Variants in N4BP2 observed in about 807,000 individuals in gnomAD.
N4BP2 encodes the protein NEDD4-binding protein 2.
A neutral mutation model predicts 152.8 loss-of-function variants in N4BP2; 91 were observed. The ratio of observed to expected loss-of-function variants is 0.60; its 90% CI spans 0.50 to 0.71. The LOEUF is 0.71. Among genes scored for constraint, N4BP2 ranks in the 30% least tolerant of loss-of-function variants. N4BP2 has a pLI of 0.00. For missense variants in N4BP2, 1,923 were observed against 2,059.1 expected, an observed-to-expected ratio of 0.93 and a Z score of 1.28; for synonymous variants, 646 against 705.3, an observed-to-expected ratio of 0.92 and a Z score of 1.33.
intron 4 of N4BP2, among the ~76,000 whole-genome samples, chr4:40,106,613 A>G (rs936581692): frequency 5.3e-5 from 8 of 152,044 alleles, no homozygotes; most frequent in African/African-American, 1.7e-4. Context: ...CGGTGGCGCA[A>G]TCTCAGCTCA....
chr4:40,088,651 C>A (rs1287149441), intron 2 of N4BP2, among the ~76,000 whole-genome samples: 1 of 152,116 alleles, frequency 6.6e-6, no homozygotes, highest in Non-Finnish European at 1.5e-5. Context: ...CAGGCATGCA[C>A]CACTACGCCT....
At chr4:40,075,424 A>G (rs1404984109) in intron 2 of N4BP2, among the ~76,000 whole-genome samples, 1 of 152,066 alleles carries the variant, frequency 6.6e-6, no homozygotes, top group Non-Finnish European at 1.5e-5. Context: ...TTTGAGATGG[A>G]GTCTCACTCT....
At chr4:40,163,564 A>G in the N4BP2 span, among the ~76,000 whole-genome samples, 2 of 152,252 alleles carry the variant, frequency 1.3e-5, no homozygotes, top group Admixed American at 6.5e-5. Context: ...ACACATAGGA[A>G]GAAATGCATT....
At chr4:40,074,691 G>A (rs937361122) in intron 2 of N4BP2, among the ~76,000 whole-genome samples, 6 of 152,114 alleles carry the variant, frequency 3.9e-5, no homozygotes, top group African/African-American at 1.4e-4. Context: ...TTTAATGAGT[G>A]TTTTCGTTTC....
the N4BP2 span, among the ~76,000 whole-genome samples, chr4:40,190,251 T>A: frequency 2.6e-5 from 4 of 152,220 alleles, no homozygotes; most frequent in South Asian, 6.2e-4. Flanking sequence ...GCTCAATAAG[T>A]ATTATAGCAA....
intron 2 of N4BP2, among the ~76,000 whole-genome samples, chr4:40,082,403 A>G (rs900406884): frequency 6.6e-6 from 1 of 152,180 alleles, no homozygotes; most frequent in Non-Finnish European, 1.5e-5. Context: ...GCTTAATAAT[A>G]GAAACAACCC....
intron 11 of N4BP2, among the ~76,000 whole-genome samples, chr4:40,125,078 C>T (rs201788833): frequency 1.3e-5 from 2 of 152,186 alleles, no homozygotes; most frequent in Admixed American, 6.5e-5. Context: ...CCTCTGTTGT[C>T]CAGTCCACAC....
intron 2 of N4BP2, among the ~76,000 whole-genome samples, chr4:40,084,571 G>A (rs1338832030): frequency 6.6e-6 from 1 of 150,852 alleles, no homozygotes; most frequent in Non-Finnish European, 1.5e-5. Flanking sequence ...AAGTAGCTGG[G>A]ATTACAGGCA....
intron 16 of N4BP2, among the ~76,000 whole-genome samples, chr4:40,152,404 G>A (rs1415380527): frequency 6.6e-6 from 1 of 152,132 alleles, no homozygotes; most frequent in African/African-American, 2.4e-5. Flanking sequence ...ATAAATATAA[G>A]CCACTTAAAG....
intron 3 of N4BP2, 118 bp from the exon 4 acceptor site, chr4:40,101,957 A>G (rs924001321): frequency 5.3e-6 from 3 of 567,626 alleles, no homozygotes; most frequent in African/African-American, 1.9e-5. Context: ...AATATTGTAC[A>G]TTTATATTCT....
intron 12 of N4BP2, among the ~76,000 whole-genome samples, chr4:40,130,703 G>C (rs968897308): frequency 1.3e-5 from 2 of 152,108 alleles, no homozygotes; most frequent in Non-Finnish European, 2.9e-5. Flanking sequence ...GGGTCTTGCT[G>C]TGTTGCCAGG....
At chr4:40,169,345 G>A in the N4BP2 span, among the ~76,000 whole-genome samples, 4 of 147,480 alleles carry the variant, frequency 2.7e-5, no homozygotes, top group African/African-American at 1.0e-4. Context: ...TCGCTCCACT[G>A]CACGCCAGCC....
At chr4:40,103,344 A>G (rs1715895847) in intron 4 of N4BP2, 126 bp downstream of exon 4, 1 of 779,914 alleles carries the variant, frequency 1.3e-6, no homozygotes, top group South Asian at 2.1e-5. Flanking sequence ...TTTTCTTTTT[A>G]CTAAGGTTTC....
chr4:40,150,571 T>A (rs1438442444), intron 16 of N4BP2, among the ~76,000 whole-genome samples: 2 of 151,598 alleles, frequency 1.3e-5, no homozygotes, highest in Non-Finnish European at 2.9e-5. Context: ...CTCTGGAAAC[T>A]GAGGCAGAAG....
the N4BP2 span, among the ~76,000 whole-genome samples, chr4:40,176,022 A>G: frequency 1.1e-4 from 16 of 150,674 alleles, no homozygotes; most frequent in East Asian, 1.9e-4. Context: ...CCCGGGAGGC[A>G]GAGATTGCAG....
At chr4:40,183,595 C>A in the N4BP2 span, among the ~76,000 whole-genome samples, 37 of 152,334 alleles carry the variant, frequency 2.4e-4, no homozygotes, top group Non-Finnish European at 4.7e-4. Flanking sequence ...CTCGGCCTCC[C>A]AAAGTGCCGG....
intron 12 of N4BP2, 134 bp downstream of exon 12, chr4:40,126,464 A>G: frequency 2.0e-6 from 1 of 502,180 alleles, no homozygotes; most frequent in Non-Finnish European, 3.4e-6. Flanking sequence ...GTTAAAATTG[A>G]AAAATATTTT....
chr4:40,062,729 C>T (rs1420018238), intron 1 of N4BP2, among the ~76,000 whole-genome samples: 1 of 152,118 alleles, frequency 6.6e-6, no homozygotes, highest in Non-Finnish European at 1.5e-5. Flanking sequence ...AGTTCAGAAG[C>T]TTCTATCTGT....
chr4:40,057,933 T>A (rs1268646419), intron 1 of N4BP2, among the ~76,000 whole-genome samples: 1 of 152,188 alleles, frequency 6.6e-6, no homozygotes, highest in African/African-American at 2.4e-5. Context: ...CGCCATGCAG[T>A]GGTTGTAATG....
Sources: allele counts gnomAD v4.1 joint callset (sites outside exome capture counted in the v4.1 genomes callset), GRCh38; gene constraint gnomAD v4.1.1; transcripts MANE v1.5; gene names NCBI Gene and HGNC (gene_info 2026-07-23, HGNC 2026-07-21).